Variants in CSMD1 observed in about 807,000 individuals in gnomAD.
CSMD1 encodes the protein CUB and sushi domain-containing protein 1.
Under a neutral mutation model 417.5 loss-of-function variants are expected in CSMD1, and 213 were observed. The observed-to-expected ratio is 0.51, with a 90% CI of 0.46 to 0.57. The LOEUF is 0.57. Ranked by LOEUF, CSMD1 falls within the 20% of genes least tolerant of loss-of-function variation. The pLI, the probability that CSMD1 is intolerant of heterozygous loss-of-function variation, is 0.00. For synonymous variants in CSMD1, 2,862 were observed against 1,736.8 expected, an observed-to-expected ratio of 1.65 and a Z score of -16.11; for missense variants, 6,923 against 4,529.7, an observed-to-expected ratio of 1.53 and a Z score of -15.17.
intron 26 of CSMD1, among the ~76,000 whole-genome samples, chr8:3,261,661 G>A (rs986039841): frequency 6.6e-6 from 1 of 152,152 alleles, no homozygotes; most frequent in Admixed American, 6.5e-5. Context: ...TTCTCTGCAG[G>A]AATCTAAAGG....
At chr8:4,843,907 G>A (rs1049948813) in intron 1 of CSMD1, among the ~76,000 whole-genome samples, 3 of 152,130 alleles carry the variant, frequency 2.0e-5, no homozygotes, top group African/African-American at 7.2e-5. Context: ...GCTCTTTTCT[G>A]GGTGCACAGG....
rs570907841 is a variant in CSMD1 at position 4,459,275 on chromosome 8, T to C, written c.303-39210A>G. On this transcript the variant is annotated intron_variant, in intron 2 of 69. Coordinates refer to ENST00000635120, the MANE Select transcript of CSMD1 (RefSeq NM_033225.6). ...TAAAAGGTCAAAATGCTGCAGTTCC[T>C]GTCACTTGTGCACCAGATGGCATAT... Among the ~76,000 whole-genome samples the C allele has an allele frequency of 8.5e-5, 13 of 152,366 alleles. No homozygotes were observed. The East Asian group carries it at 9.6e-4, about 11-fold the overall frequency.
At chr8:4,529,091 C>G (rs1211480986) in intron 2 of CSMD1, among the ~76,000 whole-genome samples, 3 of 152,154 alleles carry the variant, frequency 2.0e-5, no homozygotes, top group Non-Finnish European at 4.4e-5. Flanking sequence ...ATAAAGAACT[C>G]TCTCTCATGA....
intron 2 of CSMD1, among the ~76,000 whole-genome samples, chr8:4,572,335 T>G (rs553027287): frequency 3.1e-4 from 47 of 152,310 alleles, no homozygotes; most frequent in African/African-American, 1.1e-3. Flanking sequence ...CCCCCAGAAT[T>G]TGCTTTTCTA....
intron 5 of CSMD1, among the ~76,000 whole-genome samples, chr8:3,780,333 C>A (rs1199413496): frequency 6.6e-6 from 1 of 152,142 alleles, no homozygotes; most frequent in African/African-American, 2.4e-5. Flanking sequence ...AACAGTTGTT[C>A]GTTAGAATAG....
At chr8:3,641,818 G>C (rs974308082) in intron 7 of CSMD1, among the ~76,000 whole-genome samples, 6 of 152,124 alleles carry the variant, frequency 3.9e-5, no homozygotes, top group African/African-American at 1.4e-4. Flanking sequence ...GACCTTTGTC[G>C]ATCTCTTCCC....
intron 5 of CSMD1, among the ~76,000 whole-genome samples, chr8:3,928,426 C>A (rs533444117): frequency 6.6e-6 from 1 of 152,162 alleles, no homozygotes; most frequent in Admixed American, 6.5e-5. Context: ...TGAGTCCTAA[C>A]TTTTCAAAAA....
At chr8:4,485,624 T>C (rs1801336148) in intron 2 of CSMD1, among the ~76,000 whole-genome samples, 2 of 152,278 alleles carry the variant, frequency 1.3e-5, no homozygotes, top group Admixed American at 1.3e-4. Flanking sequence ...CTTTCTACTA[T>C]TAAAATTGAT....
chr8:4,395,102 C>T (rs961135361), intron 3 of CSMD1, among the ~76,000 whole-genome samples: 21 of 152,286 alleles, frequency 1.4e-4, no homozygotes, highest in South Asian at 4.1e-4. Context: ...CATGAACCTC[C>T]GCTGGGAGAC....
intron 3 of CSMD1, among the ~76,000 whole-genome samples, chr8:4,165,938 A>G (rs889090961): frequency 2.6e-5 from 4 of 152,302 alleles, no homozygotes; most frequent in Non-Finnish European, 4.4e-5. Context: ...AACTATCATT[A>G]CTCTTACTCT....
chr8:3,280,255 A>T (rs1299647882), intron 26 of CSMD1, among the ~76,000 whole-genome samples: 1 of 152,234 alleles, frequency 6.6e-6, no homozygotes, highest in Admixed American at 6.5e-5. Flanking sequence ...AATGACATCC[A>T]GCGTGGAATT....
chr8:3,973,345 T>C (rs187174492), intron 5 of CSMD1, among the ~76,000 whole-genome samples: 59 of 152,302 alleles, frequency 3.9e-4, no homozygotes, highest in South Asian at 1.4e-3. Flanking sequence ...TGGTGCTAGA[T>C]AGAAGATTTT....
chr8:4,425,392 A>T (rs1240833669), intron 2 of CSMD1, among the ~76,000 whole-genome samples: 16 of 151,076 alleles, frequency 1.1e-4, no homozygotes, highest in Middle Eastern at 3.4e-3. Context: ...AAAAAAAAAA[A>T]AAAAATAGAG....
At position 3,853,889 on chromosome 8, in the gene CSMD1, T is replaced by TTAA. The variant is rs1324714531; in HGVS notation, c.819-99848_819-99847insTTA. On this transcript the variant is annotated intron_variant, in intron 5 of 69. Transcript: ENST00000635120. The stretch of plus-strand genomic sequence containing the variant: ...TATTATACTTTAATATATTAATATA[T>TTAA]TATACTTTAATATATTAATACATTA... 3.8e-4 allele frequency among the ~76,000 whole-genome samples: 55 copies of TTAA among 144,906 alleles called. 1 individual carries two copies. The highest frequency in any genetic ancestry group is 4.8e-4 in the African/African-American group (19 of 39,696).
At chr8:3,174,306 C>T (rs190623156) in intron 37 of CSMD1, among the ~76,000 whole-genome samples, 8 of 152,124 alleles carry the variant, frequency 5.3e-5, no homozygotes, top group Non-Finnish European at 7.3e-5. Context: ...CTAGCCTGGG[C>T]AACATGGTGA....
chr8:3,664,612 G>A (rs998381092), intron 7 of CSMD1, among the ~76,000 whole-genome samples: 6 of 152,184 alleles, frequency 3.9e-5, no homozygotes, highest in African/African-American at 1.4e-4. Context: ...TATTCTGTCT[G>A]TCTCCCCACC....
chr8:3,525,468 G>T (rs780883842), intron 10 of CSMD1, among the ~76,000 whole-genome samples: 13 of 152,220 alleles, frequency 8.5e-5, no homozygotes, highest in Non-Finnish European at 1.8e-4. Context: ...ACTGACAGCA[G>T]GACATGAAGA....
At chr8:4,080,135 C>A (rs533999751) in intron 3 of CSMD1, among the ~76,000 whole-genome samples, 41 of 151,966 alleles carry the variant, frequency 2.7e-4, no homozygotes, top group Non-Finnish European at 5.0e-4. Context: ...CATAGGTACA[C>A]CTGCTCAGTT....
chr8:3,734,557 C>A (rs1796431249), intron 6 of CSMD1, among the ~76,000 whole-genome samples: 1 of 152,008 alleles, frequency 6.6e-6, no homozygotes, highest in Admixed American at 6.6e-5. Context: ...CTAAAAATAC[C>A]CAAAATAGCT....
Sources: allele counts gnomAD v4.1 joint callset (sites outside exome capture counted in the v4.1 genomes callset), GRCh38; gene constraint gnomAD v4.1.1; transcripts MANE v1.5; gene names NCBI Gene and HGNC (gene_info 2026-07-23, HGNC 2026-07-21).